Variants in SLC30A1 observed in about 807,000 individuals in gnomAD.
SLC30A1 encodes solute carrier family 30 member 1, also known as proton-coupled zinc antiporter SLC30A1.
In SLC30A1, 7 loss-of-function variants were observed where a neutral mutation model predicts 29.8. The ratio of observed to expected loss-of-function variants is 0.23; its 90% CI spans 0.13 to 0.44. The LOEUF (loss-of-function observed/expected upper bound fraction) is 0.44, where lower values mean the gene tolerates loss of function less well. SLC30A1 is among the 20% of genes least tolerant of loss of function. The pLI is 1.00. For synonymous variants in SLC30A1, 254 were observed against 253.5 expected (o/e 1.00, Z -0.02); for missense variants, 446 against 647.9 (o/e 0.69, Z 3.38).
At position 211,575,928 on chromosome 1, in the gene SLC30A1, A is replaced by T. The variant is rs115639496; in HGVS notation, c.984T>A (p.Leu328=). The T allele has an allele frequency of 1.5e-4, 236 of 1,613,076 alleles. No homozygotes were observed. The African/African-American group carries it at 2.4e-3, about 17-fold the overall frequency. The change falls in exon 2 of 2, where the codon CTT becomes CTA. Residue 328 remains leucine, a synonymous_variant. Transcript: ENST00000367001. This position sits in a 1 kb window ranked among gnomAD's most constrained non-coding sequence, Gnocchi z 6.0. The part of the protein sequence containing the change: ...PTLCVVMVCI[L]LYTTYPLLKE... ...TAAGTAATGGATAGGTTGTGTAAAG[A>T]AGTATACAAACCATTACAACACAAA...
rs772880656 is a variant in SLC30A1 at position 211,575,945 on chromosome 1, C to G, written c.967G>C (p.Val323Leu). 5.0e-6 allele frequency: 8 copies of G among 1,613,190 alleles called. No individual in the cohort carries two copies. The highest frequency in any genetic ancestry group is 6.8e-6 in the Non-Finnish European group (8 of 1,179,590). Residue 323 changes from valine to leucine, a missense_variant, in exon 2 of 2, where the codon GTA (valine) becomes CTA (leucine). By Grantham distance (32) the Val-to-Leu change is conservative. Around this residue, in one of 5 missense-constraint regions of SLC30A1, gnomAD observed 187 missense variants for 312.7 expected, o/e 0.60. Coordinates refer to ENST00000367001, the MANE Select transcript of SLC30A1 (RefSeq NM_021194.3). This position sits in a 1 kb window ranked among gnomAD's most constrained non-coding sequence, Gnocchi z 6.0. ...GTGTAAAGAAGTATACAAACCATTACAACACAAAGAGTTGGATCTAAATAT... is the reference window on the plus strand; with the variant it reads ...GTGTAAAGAAGTATACAAACCATTAGAACACAAAGAGTTGGATCTAAATAT... ...VLYLDPTLCV[V>L]MVCILLYTTY...
At position 211,578,725 on chromosome 1, in the gene SLC30A1, T is replaced by C; in HGVS notation, c.-113A>G. On this transcript the variant is annotated 5_prime_UTR_variant, in exon 1 of 2. Transcript: ENST00000367001. ...ACGGAGGAGCGCCCGAGTCGGGCCG[T>C]TCGGGAAACCGCTGAGGGGCCCCCG... 1 of 1,169,244 alleles carries C rather than the reference T, an allele frequency of 8.6e-7. No individual in the cohort carries two copies. The highest frequency in any genetic ancestry group is 3.1e-5 in the East Asian group (1 of 32,360). The allele number at this position is 1,169,244 out of a possible 1,614,324, so 72.4% of individuals were successfully genotyped here.
chr1:211,572,735 A>G lies in SLC30A1; in HGVS notation c.*2653T>C, dbSNP rs1490602232. The G allele has an allele frequency of 6.6e-6, 1 of 152,128 alleles. No individual in the cohort carries two copies. Among genetic ancestry groups the G allele is most frequent in the Admixed American group, 6.5e-5 (1 of 15,280 alleles). The allele number at this position is 152,128 out of a possible 1,614,324, so 9.4% of individuals were successfully genotyped here. On this transcript the variant is annotated 3_prime_UTR_variant, in exon 2 of 2. Coordinates refer to ENST00000367001, the MANE Select transcript of SLC30A1 (RefSeq NM_021194.3). The stretch of plus-strand genomic sequence containing the variant: ...GACATCCTTCAGAAAAAACTAAGCA[A>G]TCATAAAAGCTAAAAGGTGACAATG...
rs748349641 is a variant in SLC30A1 at position 211,578,330 on chromosome 1, C to T, written c.283G>A (p.Ala95Thr). The change falls in exon 1 of 2, where the codon GCC becomes ACC. Residue 95 changes from alanine (A) to threonine (T), a missense_variant. Transcript: ENST00000367001. ...CGCTCGATGGCCTCCAGCAGGATGGCGAAACAGAGGCCAGTCAGGAAGATG... is the reference window on the plus strand; with the variant it reads ...CGCTCGATGGCCTCCAGCAGGATGGTGAAACAGAGGCCAGTCAGGAAGATG... ...NAIFLTGLCF[A>T]ILLEAIERFI... is the part of the protein sequence containing the mutation. The T allele has an allele frequency of 4.2e-5, 68 of 1,613,446 alleles. No homozygotes were observed. The highest frequency in any genetic ancestry group is 5.6e-5 in the Non-Finnish European group (66 of 1,179,948).
In SLC30A1 at chr1:211,575,977, C is replaced by G. The variant is rs1706712765; in HGVS notation, c.935G>C (p.Trp312Ser). ...HASVYEAGPC[W>S]VLYLDPTLCV... ...AAGAGTTGGATCTAAATATAGCACCCAGCAAGGACCAGCCTCATAAACTGA... is the reference window on the plus strand; with the variant it reads ...AAGAGTTGGATCTAAATATAGCACCGAGCAAGGACCAGCCTCATAAACTGA... The change falls in exon 2 of 2, where the codon TGG becomes TCG. Residue 312 changes from tryptophan (W) to serine (S), a missense_variant. Transcript: ENST00000367001. This position sits in a 1 kb window ranked among gnomAD's most constrained non-coding sequence, Gnocchi z 6.0. The G allele has an allele frequency of 1.9e-6, 3 of 1,613,556 alleles. No homozygotes were observed. Among genetic ancestry groups the G allele is most frequent in the African/African-American group, 2.7e-5 (2 of 74,896 alleles).
Position 211,576,271 on chromosome 1 carries a change from C to T in SLC30A1, c.641G>A (p.Ser214Asn), listed in dbSNP as rs763027562. The stretch of plus-strand genomic sequence containing the variant: ...CACTTGTACTTCCACTGTATCACCA[C>T]TTCTGGGGTTTTCTGGGTCTACAAA... The part of the protein sequence containing the change: ...LDPADPENPR[S>N]GDTVEVQVNG... The change falls in exon 2 of 2, where the codon AGT (serine) becomes AAT (asparagine). Residue 214 changes from serine (S) to asparagine (N), a missense_variant. By Grantham distance (46) the Ser-to-Asn change is conservative. This residue lies in a region of SLC30A1 where 159 missense variants were observed against 161.1 expected (regional missense o/e 0.99). Transcript: ENST00000367001. 1 of 1,582,936 alleles carries T rather than the reference C, an allele frequency of 6.3e-7. No homozygotes were observed. Among genetic ancestry groups the T allele is most frequent in the Non-Finnish European group, 8.6e-7 (1 of 1,167,884 alleles).
chr1:211,576,970 A>G (rs914755405), intron 1 of SLC30A1, among the ~76,000 whole-genome samples: 1 of 152,214 alleles, frequency 6.6e-6, no homozygotes, highest in Non-Finnish European at 1.5e-5. Flanking sequence ...ATCTTTTGAA[A>G]TTACACACCA....
chr1:211,578,609 C>T lies in SLC30A1; in HGVS notation c.4G>A (p.Gly2Arg), dbSNP rs778157284. MGCWGRNRGRLL... is the reference protein window; with the variant it reads MRCWGRNRGRLL... ...CGGCCCCGGTTCCGACCCCAACACC[C>T]CATGGCTGCGGCTGCGGGGCCCGCC... Residue 2 changes from glycine to arginine, a missense_variant, in exon 1 of 2, where the codon GGG (glycine) becomes AGG (arginine). Physicochemically the swap from Gly to Arg is moderately radical, Grantham distance 125. This residue lies in a region of SLC30A1 where 62 missense variants were observed against 91.5 expected (regional missense o/e 0.68). Coordinates refer to ENST00000367001, the MANE Select transcript of SLC30A1 (RefSeq NM_021194.3). The T allele has an allele frequency of 4.5e-5, 71 of 1,572,290 alleles. No individual in the cohort carries two copies. The highest frequency in any genetic ancestry group is 5.8e-5 in the Non-Finnish European group (68 of 1,165,044).
chr1:211,578,240 G>C lies in SLC30A1; in HGVS notation c.373C>G (p.Leu125Val), dbSNP rs1315038005. 6.2e-7 allele frequency: 1 copy of C among 1,611,888 alleles called. No homozygotes were observed. Among genetic ancestry groups the C allele is most frequent in the South Asian group, 1.1e-5 (1 of 90,834 alleles). ...VVLGVGVAGL[L>V]VNVLGLCLFH... ...AGGCAGAGCCCCAGCACGTTGACCA[G>C]CAGCCCGGCCACGCCGACCCCAAGG... is the stretch of plus-strand genomic sequence containing the variant. The change falls in exon 1 of 2, where the codon CTG (leucine) becomes GTG (valine). Residue 125 changes from leucine (L) to valine (V), a missense_variant. This residue lies in a region of SLC30A1 where 159 missense variants were observed against 161.1 expected (regional missense o/e 0.99). Coordinates refer to ENST00000367001, the MANE Select transcript of SLC30A1 (RefSeq NM_021194.3).
chr1:211,576,266 C>T lies in SLC30A1; in HGVS notation c.646G>A (p.Asp216Asn). Residue 216 changes from aspartate (D) to asparagine (N), a missense_variant, in exon 2 of 2, where the codon GAT becomes AAT. This residue lies in a region of SLC30A1 where 159 missense variants were observed against 161.1 expected (regional missense o/e 0.99). Transcript: ENST00000367001. Reference sequence around the variant, plus strand: ...CCATTCACTTGTACTTCCACTGTATCACCACTTCTGGGGTTTTCTGGGTCT... The same window carrying T: ...CCATTCACTTGTACTTCCACTGTATTACCACTTCTGGGGTTTTCTGGGTCT... ...PADPENPRSG[D>N]TVEVQVNGNL... The T allele has an allele frequency of 6.2e-7, 1 of 1,601,452 alleles. No homozygotes were observed. The highest frequency in any genetic ancestry group is 1.1e-5 in the South Asian group (1 of 88,692).
Position 211,575,125 on chromosome 1 carries a change from CTTACT to C in SLC30A1, c.*258_*262del, listed in dbSNP as rs757933576. 22 of 302,054 alleles carry C rather than the reference CTTACT, an allele frequency of 7.3e-5. No homozygotes were observed. Among genetic ancestry groups the C allele is most frequent in the East Asian group, 2.3e-4 (4 of 17,192 alleles). The allele number at this position is 302,054 out of a possible 1,614,324, so 18.7% of individuals were successfully genotyped here. The stretch of plus-strand genomic sequence containing the variant: ...TGTCATTATGTTATATAAGGTTTAA[CTTACT>C]TTAAACAAAAATGTAACATAGTGTT... On this transcript the variant is annotated 3_prime_UTR_variant, in exon 2 of 2. Coordinates refer to ENST00000367001, the MANE Select transcript of SLC30A1 (RefSeq NM_021194.3). The surrounding 1 kb of genome is among the most constrained non-coding windows in gnomAD (Gnocchi z 6.0).
Position 211,575,695 on chromosome 1 carries a change from A to G in SLC30A1, c.1217T>C (p.Val406Ala). ...YMEVAKTIKD[V>A]FHNHGIHATT... ...AGCGTGAATTCCGTGATTATGAAAA[A>G]CGTCTTTAATGGTTTTAGCCACCTC... The change falls in exon 2 of 2, where the codon GTT becomes GCT. Residue 406 changes from valine to alanine, a missense_variant. Val to Ala is a moderately conservative substitution (Grantham distance 64). Around this residue, in one of 5 missense-constraint regions of SLC30A1, gnomAD observed 187 missense variants for 312.7 expected, o/e 0.60. Coordinates refer to ENST00000367001, the MANE Select transcript of SLC30A1 (RefSeq NM_021194.3). The surrounding 1 kb of genome is among the most constrained non-coding windows in gnomAD (Gnocchi z 6.0). 6.2e-7 allele frequency: 1 copy of G among 1,614,132 alleles called. No homozygotes were observed. The highest frequency in any genetic ancestry group is 8.5e-7 in the Non-Finnish European group (1 of 1,180,018).
rs773504553 is a variant in SLC30A1 at position 211,577,742 on chromosome 1, G to A, written c.622+249C>T. Among the ~76,000 whole-genome samples the A allele has an allele frequency of 4.6e-5, 7 of 152,230 alleles. No individual in the cohort carries two copies. Among genetic ancestry groups the A allele is most frequent in the African/African-American group, 9.6e-5 (4 of 41,464 alleles). ...GATCACCTCCTGACCCTTTTTCTTA[G>A]GGTCTGACCCACAGCCCCCACCTAC... On this transcript the variant is annotated intron_variant, in intron 1 of 1. Transcript: ENST00000367001. This position sits in a 1 kb window ranked among gnomAD's most constrained non-coding sequence, Gnocchi z 4.5.
At position 211,576,210 on chromosome 1, in the gene SLC30A1, T is replaced by A. The variant is rs2102406233; in HGVS notation, c.702A>T (p.Glu234Asp). 3.1e-6 allele frequency: 5 copies of A among 1,613,152 alleles called. No individual in the cohort carries two copies. Among genetic ancestry groups the A allele is most frequent in the Non-Finnish European group, 3.4e-6 (4 of 1,179,784 alleles). Residue 234 changes from glutamate to aspartate, a missense_variant, in exon 2 of 2, where the codon GAA (glutamate) becomes GAT (aspartate). Glu to Asp is a conservative substitution (Grantham distance 45, BLOSUM62 2). This residue lies in a region of SLC30A1 where 159 missense variants were observed against 161.1 expected (regional missense o/e 0.99). Transcript: ENST00000367001. ...GTTGTCCAGCCCTATCTTCTTCCAG[T>A]TCCATATGGTCAGGTTCTCTGACAA... is the stretch of plus-strand genomic sequence containing the variant. ...GNLVREPDHM[E>D]LEEDRAGQLN...
At position 211,577,149 on chromosome 1, in the gene SLC30A1, G is replaced by A. The variant is rs1391662486; in HGVS notation, c.622+842C>T. Among the ~76,000 whole-genome samples the A allele has an allele frequency of 6.6e-6, 1 of 152,162 alleles. No individual in the cohort carries two copies. The highest frequency in any genetic ancestry group is 2.4e-5 in the African/African-American group (1 of 41,440). ...TTATAATGATACAAGGTAAATAAAC[G>A]TAAGTGAAGGAAATAAGACCAAATT... On this transcript the variant is annotated intron_variant, in intron 1 of 1. Coordinates refer to ENST00000367001, the MANE Select transcript of SLC30A1 (RefSeq NM_021194.3). This position sits in a 1 kb window ranked among gnomAD's most constrained non-coding sequence, Gnocchi z 4.5.
chr1:211,578,678 G>A lies in SLC30A1; in HGVS notation c.-66C>T. ...GGTGCAGCGGCGGCGTTGGCGGGACGCGGAGGGTCGGCGACCGCGACACGG... is the reference window on the plus strand; with the variant it reads ...GGTGCAGCGGCGGCGTTGGCGGGACACGGAGGGTCGGCGACCGCGACACGG... On this transcript the variant is annotated 5_prime_UTR_variant, in exon 1 of 2. Coordinates refer to ENST00000367001, the MANE Select transcript of SLC30A1 (RefSeq NM_021194.3). 7.1e-7 allele frequency: 1 copy of A among 1,401,520 alleles called. No individual in the cohort carries two copies. The highest frequency in any genetic ancestry group is 9.2e-7 in the Non-Finnish European group (1 of 1,082,898). 86.8% of individuals were successfully genotyped at this position (1,401,520 alleles called of 1,614,324 possible).
chr1:211,576,404 A>T (rs1325090265), intron 1 of SLC30A1, 115 bp from the exon 2 acceptor site: 5 of 644,882 alleles, frequency 7.8e-6, no homozygotes, highest in African/African-American at 3.7e-5. Context: ...AAGTACAATT[A>T]AAAAAATGTG....
At chr1:211,576,342 C>A in intron 1 of SLC30A1, 53 bp from the exon 2 acceptor site, 1 of 1,185,624 alleles carries the variant, frequency 8.4e-7, no homozygotes, top group Non-Finnish European at 1.2e-6. Flanking sequence ...TTTATATAAA[C>A]ATCCTTGTCT....
Position 211,572,444 on chromosome 1 carries a change from G to A in SLC30A1, c.*2944C>T, listed in dbSNP as rs1042747529. 1 of 151,964 alleles carries A rather than the reference G, an allele frequency of 6.6e-6. No homozygotes were observed. The highest frequency in any genetic ancestry group is 2.1e-4 in the South Asian group (1 of 4,824). The allele number at this position is 151,964 out of a possible 1,614,324, so 9.4% of individuals were successfully genotyped here. A position where few individuals can be genotyped will look rare whatever the true frequency, so the allele number is the denominator to read the frequency against. On this transcript the variant is annotated 3_prime_UTR_variant, in exon 2 of 2. Transcript: ENST00000367001. Reference sequence around the variant, plus strand: ...TTCAACTCAACACCAGTTAACATACGAAATACTTCACATTAGGTTCCATAG... The same window carrying A: ...TTCAACTCAACACCAGTTAACATACAAAATACTTCACATTAGGTTCCATAG...
Sources: gnomAD v4.1 joint callset for allele counts (sites outside exome capture counted in the v4.1 genomes callset) on GRCh38, gnomAD v4.1.1 for gene constraint, gnomAD v4.1.1 regional missense constraint, Gnocchi (gnomAD v3.1) non-coding constraint, MANE v1.5 for transcripts, NCBI Gene and HGNC (gene_info 2026-07-23, HGNC 2026-07-21) for gene names.